Variants in DENND4C observed in about 807,000 individuals in gnomAD.
DENND4C encodes the protein DENN domain-containing protein 4C.
In DENND4C, 108 loss-of-function variants were observed where a neutral mutation model predicts 203.0. That is an observed-to-expected ratio of 0.53 (90% CI 0.46 to 0.62). The LOEUF (loss-of-function observed/expected upper bound fraction) is 0.62, where lower values mean the gene tolerates loss of function less well. Among genes scored for constraint, DENND4C ranks in the 20% least tolerant of loss-of-function variants. The pLI is 0.00. For synonymous variants in DENND4C, 871 were observed against 792.4 expected, an observed-to-expected ratio of 1.10 and a Z score of -1.67; for missense variants, 2,481 against 2,301.2, an observed-to-expected ratio of 1.08 and a Z score of -1.60.
intron 1 of DENND4C, among the ~76,000 whole-genome samples, chr9:19,239,512 T>G (rs981835353): frequency 6.6e-6 from 1 of 152,076 alleles, no homozygotes; most frequent in Non-Finnish European, 1.5e-5. Context: ...TCACCCAGGC[T>G]GGAGTGCAGT....
intron 10 of DENND4C, among the ~76,000 whole-genome samples, chr9:19,307,391 C>T (rs13287416): frequency 8.0e-6 from 1 of 125,768 alleles, no homozygotes; most frequent in Admixed American, 8.1e-5. Context: ...AAGACTCTGT[C>T]TCAAAAAAAA....
intron 12 of DENND4C, among the ~76,000 whole-genome samples, chr9:19,320,491 G>T (rs929383068): frequency 1.6e-4 from 24 of 152,158 alleles, no homozygotes; most frequent in Non-Finnish European, 2.2e-4. Context: ...GAGCCACTGC[G>T]CTCGGCCCAC....
At chr9:19,366,191 G>C (rs1326720333) in intron 30 of DENND4C, among the ~76,000 whole-genome samples, 5 of 152,180 alleles carry the variant, frequency 3.3e-5, no homozygotes, top group Non-Finnish European at 7.4e-5. Flanking sequence ...CAGTAATCAA[G>C]AAAGTAAAAT....
At chr9:19,349,824 T>C (rs1823683858) in intron 23 of DENND4C, among the ~76,000 whole-genome samples, 1 of 152,170 alleles carries the variant, frequency 6.6e-6, no homozygotes, top group African/African-American at 2.4e-5. Context: ...TTAATGACAT[T>C]AAAATAATTA....
chr9:19,311,228 A>C (rs1277613142), intron 10 of DENND4C, among the ~76,000 whole-genome samples: 1 of 152,060 alleles, frequency 6.6e-6, no homozygotes, highest in Admixed American at 6.5e-5. Context: ...GGTTCAAGCA[A>C]TTCTTGTGCC....
At chr9:19,243,812 AT>A (rs895933492) in intron 1 of DENND4C, among the ~76,000 whole-genome samples, 33 of 151,938 alleles carry the variant, frequency 2.2e-4, no homozygotes, top group Non-Finnish European at 4.0e-4. Context: ...TTACATACAG[AT>A]TTTTTTGTTT....
chr9:19,357,136 G>T lies in DENND4C; in HGVS notation c.4946G>T (p.Gly1649Val). The change falls in exon 27 of 33, where the codon GGC (glycine) becomes GTC (valine). Residue 1649 changes from glycine (G) to valine (V), a missense_variant. Around this residue, in one of 3 missense-constraint regions of DENND4C, gnomAD observed 2,289 missense variants for 2,113.3 expected, o/e 1.08. Transcript: ENST00000434457. ...AACCAGATCATAACTGAAGAAACAG[G>T]CTCTGCAGTTGAACCAAGGTATCAA... is the stretch of plus-strand genomic sequence containing the variant. ...KHNQIITEET[G>V]SAVEPSDEIK... 1.2e-6 allele frequency: 2 copies of T among 1,613,820 alleles called. No homozygotes were observed. The highest frequency in any genetic ancestry group is 2.2e-5 in the East Asian group (1 of 44,834).
intron 10 of DENND4C, among the ~76,000 whole-genome samples, chr9:19,310,864 A>G (rs1563789782): frequency 6.6e-6 from 1 of 152,142 alleles, no homozygotes; most frequent in Non-Finnish European, 1.5e-5. Flanking sequence ...GGTAAATTAC[A>G]TTATAAAATC....
chr9:19,366,061 C>G (rs960759847), intron 30 of DENND4C, among the ~76,000 whole-genome samples: 1 of 152,114 alleles, frequency 6.6e-6, no homozygotes, highest in South Asian at 2.1e-4. Context: ...CGTAAATTGA[C>G]AAGTGAATCT....
intron 1 of DENND4C, among the ~76,000 whole-genome samples, chr9:19,244,197 A>T (rs899221511): frequency 5.3e-5 from 8 of 151,970 alleles, no homozygotes; most frequent in Admixed American, 5.2e-4. Flanking sequence ...CACCTGGCTA[A>T]ATTTTGTATT....
At chr9:19,333,142 G>A (rs561891507) in intron 17 of DENND4C, among the ~76,000 whole-genome samples, 1 of 152,090 alleles carries the variant, frequency 6.6e-6, no homozygotes, top group East Asian at 1.9e-4. Flanking sequence ...AGCCTCCTGA[G>A]TAGCTGGGAC....
rs571515678 is a variant in DENND4C at position 19,307,598 on chromosome 9, C to T, written c.1487+2071C>T. Among the ~76,000 whole-genome samples, 25 of 151,380 alleles carry T rather than the reference C, an allele frequency of 1.7e-4. 1 individual carries two copies. The East Asian group carries it at 4.1e-3, about 25-fold the overall frequency. ...CACCCTGGCCAACATGGTGAAACTC[C>T]GTCTCTACTAAAAACACAAAAATTA... On this transcript the variant is annotated intron_variant, in intron 10 of 32. Coordinates refer to ENST00000434457, the MANE Select transcript of DENND4C (RefSeq NM_001330640.2).
intron 6 of DENND4C, among the ~76,000 whole-genome samples, chr9:19,296,949 A>G (rs1837594152): frequency 6.6e-6 from 1 of 152,200 alleles, no homozygotes; most frequent in Non-Finnish European, 1.5e-5. Context: ...TTTTGGTTTT[A>G]GCATTGACAG....
intron 17 of DENND4C, 69 bp downstream of exon 17, chr9:19,332,253 G>A (rs947343672): frequency 7.0e-7 from 1 of 1,426,384 alleles, no homozygotes; most frequent in Non-Finnish European, 9.8e-7. Context: ...AAATTTGGGT[G>A]TAAGTTGCTT....
intron 30 of DENND4C, among the ~76,000 whole-genome samples, chr9:19,366,420 T>C (rs1205032483): frequency 6.6e-6 from 1 of 152,022 alleles, no homozygotes; most frequent in Non-Finnish European, 1.5e-5. Context: ...GCTAACACGG[T>C]GAAACCCCAT....
chr9:19,280,172 G>A (rs1833760874), intron 2 of DENND4C, among the ~76,000 whole-genome samples: 1 of 81,504 alleles, frequency 1.2e-5, no homozygotes, highest in Non-Finnish European at 2.6e-5. Context: ...CTTTTTTTTT[G>A]GACAGAGTCT....
intron 30 of DENND4C, among the ~76,000 whole-genome samples, chr9:19,362,836 A>G (rs1826792394): frequency 6.6e-6 from 1 of 152,234 alleles, no homozygotes; most frequent in South Asian, 2.1e-4. Flanking sequence ...TTAAAGAGTT[A>G]TTATTCATGT....
chr9:19,307,535 C>T (rs1839930364), intron 10 of DENND4C, among the ~76,000 whole-genome samples: 2 of 151,786 alleles, frequency 1.3e-5, no homozygotes, highest in East Asian at 1.9e-4. Flanking sequence ...TTTGGGAGGC[C>T]GAGGCAGATG....
At chr9:19,302,820 G>A (rs1014607473) in intron 9 of DENND4C, among the ~76,000 whole-genome samples, 3 of 152,138 alleles carry the variant, frequency 2.0e-5, no homozygotes, top group African/African-American at 7.2e-5. Flanking sequence ...TGCCCTAGCT[G>A]TTCCTTCTCA....
Sources: allele counts gnomAD v4.1 joint callset (sites outside exome capture counted in the v4.1 genomes callset), GRCh38; gene constraint gnomAD v4.1.1; regional missense constraint gnomAD v4.1.1; transcripts MANE v1.5; gene names NCBI Gene and HGNC (gene_info 2026-07-23, HGNC 2026-07-21).